Variants in TMEM108 observed in about 807,000 individuals in gnomAD.
TMEM108 encodes the protein transmembrane protein 108.
A neutral mutation model predicts 35.1 loss-of-function variants in TMEM108; 12 were observed. The ratio of observed to expected loss-of-function variants is 0.34; its 90% CI spans 0.22 to 0.55. TMEM108 has a LOEUF of 0.55. Ranked by LOEUF, TMEM108 falls within the 20% of genes least tolerant of loss-of-function variation. The pLI, the probability that TMEM108 is intolerant of heterozygous loss-of-function variation, is 0.89. For synonymous variants in TMEM108, 287 were observed against 308.6 expected (o/e 0.93, Z 0.73); for missense variants, 680 against 753.3 (o/e 0.90, Z 1.14).
At chr3:133,181,008 TAAAAAAAAAAAAAAAAAAA>T (rs369228472) in intron 2 of TMEM108, among the ~76,000 whole-genome samples, 2,402 of 76,050 alleles carry the variant, frequency 0.032, 170 homozygotes, top group African/African-American at 0.11. Context: ...GCAGTTGTGT[TAAAAAAAAAAAAAAAAAAA>T]AAAAAAAAAA....
intron 2 of TMEM108, among the ~76,000 whole-genome samples, chr3:133,062,633 T>C (rs1008608650): frequency 6.6e-6 from 1 of 152,222 alleles, no homozygotes; most frequent in Non-Finnish European, 1.5e-5. Context: ...AAATTTGTTT[T>C]AGTCTAAAAT....
intron 3 of TMEM108, among the ~76,000 whole-genome samples, chr3:133,336,032 G>A (rs1447548992): frequency 6.6e-6 from 1 of 152,134 alleles, no homozygotes; most frequent in Non-Finnish European, 1.5e-5. Context: ...AGCCAGAGAG[G>A]AATTGCCCAT....
intron 2 of TMEM108, among the ~76,000 whole-genome samples, chr3:133,154,300 C>G (rs1944844907): frequency 1.3e-5 from 2 of 151,908 alleles, no homozygotes; most frequent in African/African-American, 4.8e-5. Context: ...TTAATTAGAT[C>G]CCATTTGTCA....
chr3:133,364,527 G>C (rs1474983512), intron 3 of TMEM108, among the ~76,000 whole-genome samples: 1 of 152,190 alleles, frequency 6.6e-6, no homozygotes, highest in Non-Finnish European at 1.5e-5. Context: ...GATAATGGAA[G>C]GATGTGAGAA....
intron 3 of TMEM108, among the ~76,000 whole-genome samples, chr3:133,312,355 C>G (rs1052841344): frequency 2.0e-4 from 30 of 152,204 alleles, no homozygotes; most frequent in African/African-American, 7.2e-4. Context: ...GTCCTAGAGT[C>G]AGTAGGCCTT....
At chr3:133,174,443 ACACCTCACATGG>A (rs1430741628) in intron 2 of TMEM108, among the ~76,000 whole-genome samples, 1 of 152,180 alleles carries the variant, frequency 6.6e-6, no homozygotes, top group Non-Finnish European at 1.5e-5. Flanking sequence ...GGGCAGACTG[ACACCTCACATGG>A]CCGGATACTC....
At chr3:133,140,165 T>A (rs918957516) in intron 2 of TMEM108, among the ~76,000 whole-genome samples, 9 of 152,262 alleles carry the variant, frequency 5.9e-5, no homozygotes, top group Non-Finnish European at 1.0e-4. Context: ...GGAAAAGATT[T>A]GCCGAGCTCC....
chr3:133,131,570 T>C (rs921825158), intron 2 of TMEM108, among the ~76,000 whole-genome samples: 1 of 151,014 alleles, frequency 6.6e-6, no homozygotes, highest in African/African-American at 2.4e-5. Context: ...TGATAAATGT[T>C]ATGTGTGTTC....
At chr3:133,327,303 A>G (rs544628973) in intron 3 of TMEM108, among the ~76,000 whole-genome samples, 1 of 152,330 alleles carries the variant, frequency 6.6e-6, no homozygotes, top group South Asian at 2.1e-4. Flanking sequence ...TGACCATATT[A>G]AAGTTTCTTT....
intron 2 of TMEM108, among the ~76,000 whole-genome samples, chr3:133,204,842 G>A (rs1424558434): frequency 6.6e-6 from 1 of 152,142 alleles, no homozygotes; most frequent in Non-Finnish European, 1.5e-5. Flanking sequence ...CTGAGTTCAA[G>A]TCCTGAATAT....
At chr3:133,210,229 C>T (rs1009051784) in intron 2 of TMEM108, among the ~76,000 whole-genome samples, 1 of 152,172 alleles carries the variant, frequency 6.6e-6, no homozygotes, top group African/African-American at 2.4e-5. Flanking sequence ...TCCTGGTTCT[C>T]AACCCAACTA....
chr3:133,094,629 T>G (rs1016955266), intron 2 of TMEM108, among the ~76,000 whole-genome samples: 8 of 152,308 alleles, frequency 5.3e-5, no homozygotes, highest in Admixed American at 1.3e-4. Context: ...GTAGACTTCT[T>G]CTGCTGCCAC....
rs141478267 is a variant in TMEM108 at position 133,168,764 on chromosome 3, A to G, written c.-46-60502A>G. On this transcript the variant is annotated intron_variant, in intron 2 of 5. Coordinates refer to ENST00000321871, the MANE Select transcript of TMEM108 (RefSeq NM_023943.4). The stretch of plus-strand genomic sequence containing the variant: ...AAGCTTTGTTCTTTCGCTCTTTGCA[A>G]TAAATATTGCTGCTGCTCACTCTTT... Among the ~76,000 whole-genome samples, 1,025 of 152,310 alleles carry G rather than the reference A, an allele frequency of 6.7e-3. 7 individuals are homozygous for G. The highest frequency in any genetic ancestry group is 0.054 in the Middle Eastern group (16 of 294).
chr3:133,204,977 G>A lies in TMEM108; in HGVS notation c.-46-24289G>A, dbSNP rs539111878. Among the ~76,000 whole-genome samples, 30 of 152,260 alleles carry A rather than the reference G, an allele frequency of 2.0e-4. No individual in the cohort carries two copies. In the South Asian group the frequency reaches 3.3e-3, roughly 17 times the overall value. On this transcript the variant is annotated intron_variant, in intron 2 of 5. Transcript: ENST00000321871. Reference sequence around the variant, plus strand: ...CTCTAAGAACTTACTTTATGAATCTGGGTGCTCCTGTATTGGGTGCATATA... The same window carrying A: ...CTCTAAGAACTTACTTTATGAATCTAGGTGCTCCTGTATTGGGTGCATATA...
chr3:133,158,311 T>A (rs1183975661), intron 2 of TMEM108, among the ~76,000 whole-genome samples: 1 of 151,478 alleles, frequency 6.6e-6, no homozygotes, highest in Non-Finnish European at 1.5e-5. Flanking sequence ...CTACTAAAAA[T>A]ACAAAAATTA....
intron 2 of TMEM108, among the ~76,000 whole-genome samples, chr3:133,220,017 A>C (rs1945965456): frequency 1.3e-5 from 2 of 149,966 alleles, no homozygotes; most frequent in Admixed American, 1.3e-4. Flanking sequence ...TGTATTTATA[A>C]TTGTTATATC....
At chr3:133,329,767 C>G (rs958204647) in intron 3 of TMEM108, among the ~76,000 whole-genome samples, 1 of 152,190 alleles carries the variant, frequency 6.6e-6, no homozygotes, top group Non-Finnish European at 1.5e-5. Flanking sequence ...ACCCAGCACC[C>G]TGTGTTTAGC....
intron 2 of TMEM108, among the ~76,000 whole-genome samples, chr3:133,224,703 GAACGTGAGTCCATTA>G (rs1467389646): frequency 6.6e-6 from 1 of 152,114 alleles, no homozygotes; most frequent in Non-Finnish European, 1.5e-5. Context: ...CAGCCGTGTG[GAACGTGAGTCCATTA>G]AACGTCTTTT....
intron 3 of TMEM108, among the ~76,000 whole-genome samples, chr3:133,287,075 G>A (rs546332082): frequency 2.0e-5 from 3 of 152,262 alleles, no homozygotes; most frequent in Non-Finnish European, 4.4e-5. Context: ...GGACAAGTAG[G>A]AGGCTCAGGT....
Sources: gnomAD v4.1 joint callset for allele counts (sites outside exome capture counted in the v4.1 genomes callset) on GRCh38, gnomAD v4.1.1 for gene constraint, MANE v1.5 for transcripts, NCBI Gene and HGNC (gene_info 2026-07-23, HGNC 2026-07-21) for gene names.